The following UBAC2 variants were observed in gnomAD, a reference collection of about 807,000 sequenced individuals.
UBAC2 encodes ubiquitin-associated domain-containing protein 2.
Under a neutral mutation model 44.0 loss-of-function variants are expected in UBAC2, and 26 were observed. That is an observed-to-expected ratio of 0.59 (90% CI 0.43 to 0.82). The LOEUF (loss-of-function observed/expected upper bound fraction) is 0.82. Among genes scored for constraint, UBAC2 ranks in the 40% least tolerant of loss-of-function variants. The pLI is 0.00. For missense variants in UBAC2, 329 were observed against 419.4 expected (o/e 0.78, Z 1.88); for synonymous variants, 155 against 154.3 (o/e 1.00, Z -0.04).
chr13:99,336,645 TTAAG>T (rs1417845604), intron 6 of UBAC2, among the ~76,000 whole-genome samples: 1 of 152,206 alleles, frequency 6.6e-6, no homozygotes, highest in African/African-American at 2.4e-5. Context: ...CTTGGTCTAT[TTAAG>T]TAACCCTAGA....
intron 7 of UBAC2, among the ~76,000 whole-genome samples, chr13:99,359,823 C>T (rs556143486): frequency 2.0e-5 from 3 of 152,222 alleles, no homozygotes; most frequent in African/African-American, 7.2e-5. Flanking sequence ...GTCACATCGC[C>T]CTTCGCTGCC....
intron 4 of UBAC2, among the ~76,000 whole-genome samples, chr13:99,264,789 G>A (rs1258017962): frequency 6.6e-6 from 1 of 152,108 alleles, no homozygotes; most frequent in African/African-American, 2.4e-5. Context: ...GATAGGAGCC[G>A]GCAGGATAGG....
intron 1 of UBAC2, among the ~76,000 whole-genome samples, chr13:99,232,636 T>C (rs191592554): frequency 1.2e-4 from 18 of 152,144 alleles, no homozygotes; most frequent in Non-Finnish European, 2.1e-4. Context: ...GAAAAAGCAC[T>C]GTAGGCCAGG....
At chr13:99,324,809 G>A (rs917739651) in intron 6 of UBAC2, among the ~76,000 whole-genome samples, 1 of 152,140 alleles carries the variant, frequency 6.6e-6, no homozygotes, top group Non-Finnish European at 1.5e-5. Context: ...GGCACTCAGT[G>A]TTGGCACTGC....
At chr13:99,217,618 A>G (rs1486245630) in intron 1 of UBAC2, among the ~76,000 whole-genome samples, 1 of 152,208 alleles carries the variant, frequency 6.6e-6, no homozygotes, top group Non-Finnish European at 1.5e-5. Flanking sequence ...TCGCCCTGGC[A>G]TGCAGCCCTC....
At chr13:99,338,552 A>C (rs2044836528) in intron 6 of UBAC2, among the ~76,000 whole-genome samples, 1 of 152,188 alleles carries the variant, frequency 6.6e-6, no homozygotes, top group Non-Finnish European at 1.5e-5. Context: ...ATCACTTGAT[A>C]AGCTTTCTAT....
At chr13:99,300,984 T>C (rs2044249332) in intron 4 of UBAC2, among the ~76,000 whole-genome samples, 1 of 152,240 alleles carries the variant, frequency 6.6e-6, no homozygotes, top group African/African-American at 2.4e-5. Context: ...ATTTAAGATA[T>C]ATTTATATAA....
intron 4 of UBAC2, among the ~76,000 whole-genome samples, chr13:99,254,547 G>T (rs2043505557): frequency 6.6e-6 from 1 of 152,052 alleles, no homozygotes; most frequent in Admixed American, 6.6e-5. Flanking sequence ...TAAGGGAGCT[G>T]CATCTAGATA....
intron 4 of UBAC2, among the ~76,000 whole-genome samples, chr13:99,262,364 C>T (rs1466466126): frequency 6.6e-6 from 1 of 152,118 alleles, no homozygotes; most frequent in Non-Finnish European, 1.5e-5. Context: ...TAAGGGGGAA[C>T]CACTGTATAG....
chr13:99,354,017 G>T (rs1173611928), intron 7 of UBAC2, among the ~76,000 whole-genome samples: 1 of 152,258 alleles, frequency 6.6e-6, no homozygotes, highest in South Asian at 2.1e-4. Flanking sequence ...AAATCATTCT[G>T]TCTAAGCAAT....
intron 1 of UBAC2, chr13:99,201,517 C>G: frequency 6.2e-7 from 1 of 1,614,178 alleles, no homozygotes; most frequent in Non-Finnish European, 8.5e-7. Context: ...GGGAGCGCAG[C>G]TGTGCTGCTG....
chr13:99,347,632 A>G (rs2045011721), intron 7 of UBAC2, among the ~76,000 whole-genome samples: 1 of 151,886 alleles, frequency 6.6e-6, no homozygotes, highest in Admixed American at 6.6e-5. Context: ...CACAGCTCTG[A>G]TGAACAGTGA....
Position 99,295,026 on chromosome 13 carries a change from G to T in UBAC2, c.390-19071G>T, listed in dbSNP as rs754128013. On this transcript the variant is annotated intron_variant, in intron 4 of 8. Transcript: ENST00000403766. The surrounding 1 kb of genome is among the most constrained non-coding windows in gnomAD (Gnocchi z 4.1). ...GAAGTCCTGCAAAGTTTGTCATACA[G>T]TTTACGTCACTATAAACCAAAATAC... 1 of 1,588,570 alleles carries T rather than the reference G, an allele frequency of 6.3e-7. No individual in the cohort carries two copies. The highest frequency in any genetic ancestry group is 1.8e-5 in the Admixed American group (1 of 56,316).
chr13:99,380,682 A>G (rs1053190353), intron 8 of UBAC2, among the ~76,000 whole-genome samples: 2 of 152,230 alleles, frequency 1.3e-5, no homozygotes, highest in African/African-American at 2.4e-5. Flanking sequence ...AAGCCCAAGC[A>G]TGCAGTTTCA....
chr13:99,368,167 A>G (rs2045356947), intron 8 of UBAC2, among the ~76,000 whole-genome samples: 1 of 152,122 alleles, frequency 6.6e-6, no homozygotes, highest in Non-Finnish European at 1.5e-5. Context: ...CACTTCATAT[A>G]TACAAGAAAC....
chr13:99,219,693 A>G (rs2043033663), intron 1 of UBAC2, among the ~76,000 whole-genome samples: 1 of 152,230 alleles, frequency 6.6e-6, no homozygotes, highest in South Asian at 2.1e-4. Context: ...AAGATTAGAC[A>G]TCCCTGTATT....
chr13:99,250,147 C>T (rs1273488225), intron 4 of UBAC2, among the ~76,000 whole-genome samples: 6 of 152,142 alleles, frequency 3.9e-5, no homozygotes, highest in African/African-American at 1.4e-4. Context: ...GGCCGATGTC[C>T]AGAATGGTGT....
intron 8 of UBAC2, chr13:99,376,922 A>G (rs1013454600): frequency 6.6e-6 from 1 of 152,236 alleles, no homozygotes; most frequent in African/African-American, 2.4e-5. Context: ...TTCCAGACCA[A>G]TGAATGACTG....
intron 1 of UBAC2, among the ~76,000 whole-genome samples, chr13:99,203,736 A>AT (rs1214179191): frequency 6.6e-6 from 1 of 152,234 alleles, no homozygotes; most frequent in Admixed American, 6.5e-5. Flanking sequence ...GACCGAAGTT[A>AT]TGGTGGAGGA....
Sources: allele counts gnomAD v4.1 joint callset (sites outside exome capture counted in the v4.1 genomes callset), GRCh38; gene constraint gnomAD v4.1.1; non-coding constraint Gnocchi (gnomAD v3.1); transcripts MANE v1.5; gene names NCBI Gene and HGNC (gene_info 2026-07-23, HGNC 2026-07-21).